PUM2: variants seen among roughly 807,000 people sequenced by gnomAD.
PUM2 encodes the protein pumilio RNA binding family member 2.
PUM2 carries 57 observed loss-of-function variants against 124.5 expected under a neutral mutation model. The observed-to-expected ratio is 0.46, with a 90% CI of 0.37 to 0.57. The LOEUF is 0.57. PUM2 is among the 20% of genes least tolerant of loss of function. The pLI, the probability that PUM2 is intolerant of heterozygous loss-of-function variation, is 0.00. For synonymous variants in PUM2, 460 were observed against 446.1 expected, an observed-to-expected ratio of 1.03 and a Z score of -0.39; for missense variants, 1,065 against 1,290.6, an observed-to-expected ratio of 0.83 and a Z score of 2.68.
chr2:20,337,701 G>A (rs1050606880), intron 1 of PUM2, among the ~76,000 whole-genome samples: 2 of 152,118 alleles, frequency 1.3e-5, no homozygotes, highest in Non-Finnish European at 2.9e-5. Flanking sequence ...TAGGGTCCAA[G>A]CCTTCATATG....
chr2:20,301,666 C>T (rs1677011288), intron 7 of PUM2, among the ~76,000 whole-genome samples: 1 of 152,082 alleles, frequency 6.6e-6, no homozygotes, highest in African/African-American at 2.4e-5. Context: ...TGGCTAATTT[C>T]AGCCTTCACC....
Position 20,251,555 on chromosome 2 carries a change from A to C in PUM2, c.*30T>G. 3.8e-6 allele frequency: 6 copies of C among 1,593,414 alleles called. No individual in the cohort carries two copies. Among genetic ancestry groups the C allele is most frequent in the Non-Finnish European group, 5.1e-6 (6 of 1,168,260 alleles). On this transcript the variant is annotated 3_prime_UTR_variant, in exon 21 of 21. Coordinates refer to ENST00000361078, the MANE Select transcript of PUM2 (RefSeq NM_015317.5). ...ACAAAAAAATTCTTTTCACATGGTT[A>C]AATTATCTTCTTTCTCTTGCTCCTG...
chr2:20,324,801 A>C (rs1290102638), intron 2 of PUM2, among the ~76,000 whole-genome samples: 1 of 152,198 alleles, frequency 6.6e-6, no homozygotes, highest in Admixed American at 6.5e-5. Context: ...AAAACACAGT[A>C]AATTTGAAAT....
At chr2:20,291,086 T>A (rs746268310) in intron 9 of PUM2, among the ~76,000 whole-genome samples, 1 of 152,096 alleles carries the variant, frequency 6.6e-6, no homozygotes, top group Non-Finnish European at 1.5e-5. Context: ...AAAATAATAA[T>A]AATAATAATG....
chr2:20,338,363 C>CT (rs1256541056), intron 1 of PUM2, among the ~76,000 whole-genome samples: 5 of 152,204 alleles, frequency 3.3e-5, no homozygotes. Context: ...CACCACTGCA[C>CT]TCCAGCCTGG....
intron 14 of PUM2, among the ~76,000 whole-genome samples, chr2:20,262,888 G>C (rs1031635418): frequency 6.6e-6 from 1 of 152,106 alleles, no homozygotes; most frequent in Non-Finnish European, 1.5e-5. Flanking sequence ...CACACCATGA[G>C]GGTCACTTAA....
At chr2:20,343,451 TA>T (rs1345067888) in intron 1 of PUM2, among the ~76,000 whole-genome samples, 57 of 152,198 alleles carry the variant, frequency 3.7e-4, no homozygotes, top group African/African-American at 1.2e-3. Context: ...AATAACTAAG[TA>T]ATTTATTAAA....
At chr2:20,307,451 T>A (rs1678612843) in intron 7 of PUM2, among the ~76,000 whole-genome samples, 1 of 152,150 alleles carries the variant, frequency 6.6e-6, no homozygotes, top group African/African-American at 2.4e-5. Context: ...CATATTACTG[T>A]TTTTGATACT....
intron 19 of PUM2, among the ~76,000 whole-genome samples, 174 bp downstream of exon 19, chr2:20,254,689 T>C (rs546377137): frequency 1.3e-5 from 2 of 152,272 alleles, no homozygotes; most frequent in South Asian, 2.1e-4. Context: ...CAAAACAAAT[T>C]TGTTATGTAG....
Position 20,290,783 on chromosome 2 carries a change from C to G in PUM2, c.1160G>C (p.Arg387Pro). 1 of 1,586,370 alleles carries G rather than the reference C, an allele frequency of 6.3e-7. No individual in the cohort carries two copies. The highest frequency in any genetic ancestry group is 2.3e-5 in the East Asian group (1 of 44,152). The change falls in exon 10 of 21, where the codon CGT (arginine) becomes CCT (proline). Residue 387 changes from arginine (R) to proline (P), a missense_variant. Physicochemically the swap from Arg to Pro is moderately radical, Grantham distance 103. Around this residue, in one of 3 missense-constraint regions of PUM2, gnomAD observed 968 missense variants for 1,159.8 expected, o/e 0.83. Transcript: ENST00000361078. ...AAGAGGACGCTGACCTGCTCCAGCA[C>G]GGAGAACCTACAAAGGTAAAATGAT... ...QAQPGQQQVL[R>P]AGAGQRPLTP... is the part of the protein sequence containing the mutation.
At chr2:20,311,708 CAAAA>C in intron 4 of PUM2, 45 bp from the exon 5 acceptor site, 1 of 1,563,506 alleles carries the variant, frequency 6.4e-7, no homozygotes, top group Non-Finnish European at 8.6e-7. Context: ...TAATAGAACA[CAAAA>C]AAAAGGCACC....
intron 12 of PUM2, among the ~76,000 whole-genome samples, chr2:20,280,137 C>A (rs867635294): frequency 1.3e-5 from 2 of 151,890 alleles, no homozygotes; most frequent in Non-Finnish European, 1.5e-5. Flanking sequence ...ATAATACAGA[C>A]GGAAAACTTA....
At chr2:20,341,358 A>G (rs192755563) in intron 1 of PUM2, among the ~76,000 whole-genome samples, 301 of 152,358 alleles carry the variant, frequency 2.0e-3, no homozygotes, top group Non-Finnish European at 3.2e-3. Context: ...GAAAAAAGTT[A>G]AAACAATGAG....
Position 20,253,999 on chromosome 2 carries a change from C to T in PUM2, c.2886G>A (p.Lys962=). The change falls in exon 20 of 21, where the codon AAG becomes AAA. Residue 962 remains lysine (K), a synonymous_variant. Transcript: ENST00000361078. ...QHKFASNVVE[K]CVTHASRAER... ...CAGCACGGGAGGCATGAGTAACACA[C>T]TTTTCTACTACATTGCTAAAAATTA... 1 of 1,607,408 alleles carries T rather than the reference C, an allele frequency of 6.2e-7. No homozygotes were observed. Among genetic ancestry groups the T allele is most frequent in the South Asian group, 1.1e-5 (1 of 89,162 alleles).
intron 1 of PUM2, among the ~76,000 whole-genome samples, chr2:20,329,568 T>G (rs923217412): frequency 6.6e-6 from 1 of 152,124 alleles, no homozygotes; most frequent in Non-Finnish European, 1.5e-5. Flanking sequence ...TAGAGAAACG[T>G]TACAGACTGT....
At chr2:20,350,122 C>A (rs1448980549) in intron 1 of PUM2, 4 of 152,322 alleles carry the variant, frequency 2.6e-5, no homozygotes. Context: ...CATCTGTCCA[C>A]GGCAAGCTTT....
intron 15 of PUM2, 31 bp downstream of exon 15, chr2:20,260,306 G>A: frequency 6.3e-7 from 1 of 1,578,804 alleles, no homozygotes; most frequent in South Asian, 1.2e-5. Flanking sequence ...CAGCTGGATG[G>A]GCGGATATAC....
chr2:20,275,536 G>GA (rs1005514803), intron 13 of PUM2, among the ~76,000 whole-genome samples: 3 of 151,716 alleles, frequency 2.0e-5, no homozygotes, highest in African/African-American at 4.8e-5. Flanking sequence ...GCAACCTCTG[G>GA]AAAAAAAATT....
chr2:20,305,463 G>GAAACA (rs1678007535), intron 7 of PUM2, among the ~76,000 whole-genome samples: 1 of 46,138 alleles, frequency 2.2e-5, no homozygotes, highest in Non-Finnish European at 3.6e-5. Context: ...CCCTGTCTTC[G>GAAACA]AAAAAAAAAA....
Sources: gnomAD v4.1 joint callset for allele counts (sites outside exome capture counted in the v4.1 genomes callset) on GRCh38, gnomAD v4.1.1 for gene constraint, gnomAD v4.1.1 regional missense constraint, MANE v1.5 for transcripts, NCBI Gene and HGNC (gene_info 2026-07-23, HGNC 2026-07-21) for gene names.